Variants in CNTNAP2 observed in about 807,000 individuals in gnomAD.
CNTNAP2 encodes the protein contactin associated protein 2, also known as contactin-associated protein-like 2.
CNTNAP2 carries 98 observed loss-of-function variants against 155.2 expected under a neutral mutation model. That is an observed-to-expected ratio of 0.63 (90% CI 0.54 to 0.75). The LOEUF (loss-of-function observed/expected upper bound fraction) is 0.75, where lower values mean the gene tolerates loss of function less well. CNTNAP2 is among the 30% of genes least tolerant of loss of function. The pLI is 0.00. For synonymous variants in CNTNAP2, 651 were observed against 631.2 expected, an observed-to-expected ratio of 1.03 and a Z score of -0.47; for missense variants, 1,727 against 1,688.1, an observed-to-expected ratio of 1.02 and a Z score of -0.40.
chr7:148,146,170 A>G (rs1036959915), intron 16 of CNTNAP2, among the ~76,000 whole-genome samples: 1 of 152,224 alleles, frequency 6.6e-6, no homozygotes, highest in Admixed American at 6.5e-5. Flanking sequence ...CCCAGGAAAA[A>G]AAAATGACAG....
At chr7:147,761,035 A>G (rs74582870) in intron 13 of CNTNAP2, among the ~76,000 whole-genome samples, 1,716 of 152,292 alleles carry the variant, frequency 0.011, 100 homozygotes, top group Admixed American at 0.088. Flanking sequence ...CTGGCATTAT[A>G]GTATATGGCT....
intron 13 of CNTNAP2, among the ~76,000 whole-genome samples, chr7:147,857,927 T>A (rs1205489470): frequency 6.6e-6 from 1 of 152,142 alleles, no homozygotes; most frequent in Non-Finnish European, 1.5e-5. Flanking sequence ...CAATATCAAT[T>A]CCCTTCAGAG....
intron 3 of CNTNAP2, among the ~76,000 whole-genome samples, chr7:146,940,857 A>G (rs1023695947): frequency 5.3e-5 from 8 of 152,056 alleles, no homozygotes; most frequent in African/African-American, 1.7e-4. Flanking sequence ...AAAGAGAGAG[A>G]GAGAGAATTG....
At chr7:147,557,450 C>T (rs1403949802) in intron 11 of CNTNAP2, among the ~76,000 whole-genome samples, 1 of 151,644 alleles carries the variant, frequency 6.6e-6, no homozygotes, top group Non-Finnish European at 1.5e-5. Flanking sequence ...AATCAATAGA[C>T]TTGATGAGTC....
chr7:147,024,718 T>A (rs1268556466), intron 3 of CNTNAP2, among the ~76,000 whole-genome samples: 1 of 152,168 alleles, frequency 6.6e-6, no homozygotes, highest in Non-Finnish European at 1.5e-5. Flanking sequence ...ATTTCTAAAC[T>A]AATGTTAACA....
intron 1 of CNTNAP2, among the ~76,000 whole-genome samples, chr7:146,657,996 T>C (rs938678100): frequency 6.6e-6 from 1 of 152,026 alleles, no homozygotes; most frequent in Non-Finnish European, 1.5e-5. Flanking sequence ...TATAAATATA[T>C]GCATGTACAA....
At chr7:147,269,438 C>A (rs920886700) in intron 8 of CNTNAP2, among the ~76,000 whole-genome samples, 1 of 152,096 alleles carries the variant, frequency 6.6e-6, no homozygotes, top group African/African-American at 2.4e-5. Context: ...AACATACAGA[C>A]ACAGCACCTT....
rs773517034 is a variant in CNTNAP2, at chr7:148,420,785, A to C, written c.*5169A>C. 6.6e-6 allele frequency: 1 copy of C among 152,620 alleles called. No individual in the cohort carries two copies. The highest frequency in any genetic ancestry group is 1.5e-5 in the Non-Finnish European group (1 of 68,042). The allele number at this position is 152,620 out of a possible 1,614,324, so 9.5% of individuals were successfully genotyped here. On this transcript the variant is annotated 3_prime_UTR_variant, in exon 24 of 24. Transcript: ENST00000361727. ...GTTAGTGCTGTGAAAAGCTGGGCTA[A>C]ATATTCTTTCTGTAAAGTCAAACAG...
Position 147,947,388 on chromosome 7 carries a change from C to T in CNTNAP2, c.2256-30474C>T, listed in dbSNP as rs1047485739. 3.0e-5 allele frequency among the ~76,000 whole-genome samples: 4 copies of T among 134,296 alleles called. No homozygotes were observed. In the East Asian group the frequency reaches 6.9e-4, roughly 23 times the overall value. 88.1% of individuals were successfully genotyped at this position (134,296 alleles called of 152,430 possible). ...ATCCCAGCACTTTGGGAGGCTGAGG[C>T]GGGAGGATTGCTTGAGCCCAGGAGT... On this transcript the variant is annotated intron_variant, in intron 14 of 23. Coordinates refer to ENST00000361727, the MANE Select transcript of CNTNAP2 (RefSeq NM_014141.6).
chr7:147,267,082 C>G (rs1804628921), intron 8 of CNTNAP2, among the ~76,000 whole-genome samples: 1 of 152,122 alleles, frequency 6.6e-6, no homozygotes, highest in Admixed American at 6.5e-5. Flanking sequence ...TCTTGCTTAG[C>G]TTAATCCAAG....
At chr7:146,568,519 G>A (rs1350771173) in intron 1 of CNTNAP2, among the ~76,000 whole-genome samples, 1 of 152,068 alleles carries the variant, frequency 6.6e-6, no homozygotes, top group East Asian at 1.9e-4. Context: ...CATAAACTAT[G>A]CTTGCTTCTA....
chr7:146,859,213 G>A lies in CNTNAP2; in HGVS notation c.402+19309G>A, dbSNP rs1049276808. ...CAAGTCAAATCTTAAAAGAAGAGCA[G>A]AGTCAACTTTTATTTTAAAGAGCAT... On this transcript the variant is annotated intron_variant, in intron 3 of 23. Coordinates refer to ENST00000361727, the MANE Select transcript of CNTNAP2 (RefSeq NM_014141.6). Among the ~76,000 whole-genome samples the A allele has an allele frequency of 1.8e-4, 28 of 152,196 alleles. 1 individual carries two copies. The highest frequency in any genetic ancestry group is 6.8e-4 in the African/African-American group (28 of 41,454).
In CNTNAP2 at chr7:146,717,761, T is replaced by G. The variant is rs73740814; in HGVS notation, c.98-56510T>G. On this transcript the variant is annotated intron_variant, in intron 1 of 23. Coordinates refer to ENST00000361727, the MANE Select transcript of CNTNAP2 (RefSeq NM_014141.6). Reference sequence around the variant, plus strand: ...TGGTAGAAACTTATATTAATTGAGGTTTTTTTTTGTGCCAGGGACGCCACA... The same window carrying G: ...TGGTAGAAACTTATATTAATTGAGGGTTTTTTTTGTGCCAGGGACGCCACA... Among the ~76,000 whole-genome samples, 1,468 of 147,350 alleles carry G rather than the reference T, an allele frequency of 1.0e-2. 30 individuals are homozygous for G. The highest frequency in any genetic ancestry group is 0.037 in the African/African-American group (1,395 of 37,614).
At chr7:147,816,878 A>T (rs1034870701) in intron 13 of CNTNAP2, among the ~76,000 whole-genome samples, 4 of 152,218 alleles carry the variant, frequency 2.6e-5, no homozygotes, top group Non-Finnish European at 5.9e-5. Flanking sequence ...TAGACAATAG[A>T]GGGACTAGGT....
At chr7:146,832,910 G>T (rs1466776133) in intron 2 of CNTNAP2, among the ~76,000 whole-genome samples, 2 of 151,934 alleles carry the variant, frequency 1.3e-5, no homozygotes, top group African/African-American at 4.8e-5. Flanking sequence ...ATGTTAGGCT[G>T]ATCTCGAACT....
intron 13 of CNTNAP2, among the ~76,000 whole-genome samples, chr7:147,765,681 T>TA (rs902601846): frequency 1.7e-4 from 26 of 152,014 alleles, no homozygotes; most frequent in South Asian, 1.0e-3. Flanking sequence ...GCGTATAAAG[T>TA]AAAAAAAACA....
intron 11 of CNTNAP2, among the ~76,000 whole-genome samples, chr7:147,550,650 A>C (rs2116763913): frequency 6.6e-6 from 1 of 152,326 alleles, no homozygotes; most frequent in Admixed American, 6.5e-5. Context: ...GGAGAGGAGC[A>C]GTCCCTCAGC....
chr7:146,839,455 ATTGAGGAATTAT>A (rs1347095713), intron 2 of CNTNAP2, among the ~76,000 whole-genome samples: 2 of 152,198 alleles, frequency 1.3e-5, no homozygotes, highest in African/African-American at 2.4e-5. Context: ...ATAAGATCTA[ATTGAGGAATTAT>A]GAAGACATTT....
intron 4 of CNTNAP2, among the ~76,000 whole-genome samples, chr7:147,062,686 C>G (rs920479062): frequency 6.6e-6 from 1 of 152,122 alleles, no homozygotes; most frequent in African/African-American, 2.4e-5. Flanking sequence ...AGGATTTATA[C>G]ATATTAGCCC....
Sources: allele counts gnomAD v4.1 joint callset (sites outside exome capture counted in the v4.1 genomes callset), GRCh38; gene constraint gnomAD v4.1.1; transcripts MANE v1.5; gene names NCBI Gene and HGNC (gene_info 2026-07-23, HGNC 2026-07-21).